NELL1: variants seen among roughly 807,000 people sequenced by gnomAD.
NELL1 encodes neural EGFL like 1.
NELL1 carries 76 observed loss-of-function variants against 107.4 expected under a neutral mutation model. The observed-to-expected ratio is 0.71, with a 90% CI of 0.59 to 0.86. The LOEUF is 0.86. Ranked by LOEUF, NELL1 falls within the 40% of genes least tolerant of loss-of-function variation. The pLI, the probability that NELL1 is intolerant of heterozygous loss-of-function variation, is 0.00. For missense variants in NELL1, 1,024 were observed against 1,005.5 expected (o/e 1.02, Z -0.25); for synonymous variants, 353 against 341.2 (o/e 1.03, Z -0.38).
At chr11:21,513,091 C>T (rs1351254739) in intron 15 of NELL1, among the ~76,000 whole-genome samples, 15 of 152,114 alleles carry the variant, frequency 9.9e-5, no homozygotes, top group South Asian at 6.2e-4. Context: ...GGTTTGGGAC[C>T]CCAGGCAGCC....
chr11:21,072,817 A>C (rs1854047157), intron 12 of NELL1, among the ~76,000 whole-genome samples: 2 of 152,314 alleles, frequency 1.3e-5, no homozygotes, highest in South Asian at 4.1e-4. Flanking sequence ...TAGAAGCAAA[A>C]CATTTCTTTT....
chr11:20,916,731 T>C (rs963580172), intron 5 of NELL1, among the ~76,000 whole-genome samples: 2 of 151,930 alleles, frequency 1.3e-5, no homozygotes, highest in East Asian at 1.9e-4. Context: ...TTTGTCTGTT[T>C]ACATTCTTTT....
chr11:20,938,965 C>T (rs1050926784), intron 10 of NELL1, among the ~76,000 whole-genome samples: 1 of 145,824 alleles, frequency 6.9e-6, no homozygotes, highest in Admixed American at 6.9e-5. Context: ...TGTGTGTGTG[C>T]ATGCACGTGT....
chr11:21,534,473 A>G lies in NELL1; in HGVS notation c.1745A>G (p.His582Arg), dbSNP rs1239177952. Residue 582 changes from histidine (H) to arginine (R), a missense_variant, in exon 16 of 20, where the codon CAT (histidine) becomes CGT (arginine). Coordinates refer to ENST00000357134, the MANE Select transcript of NELL1 (RefSeq NM_006157.5). ...CACTGTGAGTGCAGAAGCGGTTTCCATGACGATGGGACCTATTCACTGTCC... is the reference window on the plus strand; with the variant it reads ...CACTGTGAGTGCAGAAGCGGTTTCCGTGACGATGGGACCTATTCACTGTCC... ...WYHCECRSGFHDDGTYSLSGE... is the reference protein window; with the variant it reads ...WYHCECRSGFRDDGTYSLSGE... 1 of 1,613,880 alleles carries G rather than the reference A, an allele frequency of 6.2e-7. No individual in the cohort carries two copies. The highest frequency in any genetic ancestry group is 1.7e-5 in the Admixed American group (1 of 59,992).
At chr11:21,339,696 T>C (rs1436943195) in intron 14 of NELL1, among the ~76,000 whole-genome samples, 1 of 152,170 alleles carries the variant, frequency 6.6e-6, no homozygotes, top group Non-Finnish European at 1.5e-5. Context: ...AACAATGGCT[T>C]CTGCCATTCC....
intron 14 of NELL1, among the ~76,000 whole-genome samples, chr11:21,293,106 A>T (rs950920787): frequency 6.6e-6 from 1 of 152,210 alleles, no homozygotes; most frequent in Non-Finnish European, 1.5e-5. Flanking sequence ...GAGCTTCTGC[A>T]CAGCATAAGA....
At chr11:20,810,602 T>G (rs1857481456) in intron 3 of NELL1, among the ~76,000 whole-genome samples, 1 of 152,226 alleles carries the variant, frequency 6.6e-6, no homozygotes, top group Non-Finnish European at 1.5e-5. Flanking sequence ...CATAGTTTCT[T>G]TATCCATTTG....
intron 2 of NELL1, among the ~76,000 whole-genome samples, chr11:20,770,405 T>C (rs1372379707): frequency 1.3e-5 from 2 of 152,242 alleles, no homozygotes; most frequent in East Asian, 3.8e-4. Context: ...GCCCCTTTTC[T>C]GGACAGATGC....
At chr11:20,864,339 A>G (rs1849055750) in intron 4 of NELL1, among the ~76,000 whole-genome samples, 1 of 152,132 alleles carries the variant, frequency 6.6e-6, no homozygotes, top group South Asian at 2.1e-4. Flanking sequence ...TTCTCTTTGC[A>G]TTTTTCGAAG....
At chr11:21,080,697 T>C (rs1854246355) in intron 12 of NELL1, among the ~76,000 whole-genome samples, 1 of 152,094 alleles carries the variant, frequency 6.6e-6, no homozygotes, top group African/African-American at 2.4e-5. Flanking sequence ...TGTAGAAAAA[T>C]AATCTTGTAA....
chr11:21,220,428 A>T (rs1368854167), intron 13 of NELL1, among the ~76,000 whole-genome samples: 4 of 152,134 alleles, frequency 2.6e-5, no homozygotes, highest in African/African-American at 9.7e-5. Context: ...CATGTCATTA[A>T]TAGCTATTGC....
At chr11:21,272,303 T>G (rs1848756447) in intron 14 of NELL1, among the ~76,000 whole-genome samples, 1 of 152,222 alleles carries the variant, frequency 6.6e-6, no homozygotes. Flanking sequence ...TCTCACTCAT[T>G]GCTAGCACAG....
At chr11:20,914,733 T>A (rs191073725) in intron 5 of NELL1, among the ~76,000 whole-genome samples, 2 of 152,156 alleles carry the variant, frequency 1.3e-5, no homozygotes, top group Non-Finnish European at 2.9e-5. Context: ...TTAGTAGCCC[T>A]GTAGTATATA....
At chr11:21,357,484 C>A (rs1850962099) in intron 14 of NELL1, among the ~76,000 whole-genome samples, 1 of 152,068 alleles carries the variant, frequency 6.6e-6, no homozygotes, top group African/African-American at 2.4e-5. Context: ...GTCCTTAGCC[C>A]ACTTTTTAAA....
chr11:21,335,214 T>A (rs1850363979), intron 14 of NELL1, among the ~76,000 whole-genome samples: 1 of 152,182 alleles, frequency 6.6e-6, no homozygotes, highest in African/African-American at 2.4e-5. Context: ...TTCATTCTAT[T>A]TTAATTCTAT....
In NELL1 at chr11:21,573,290, C is replaced by T. The variant is rs1372197874; in HGVS notation, c.2263C>T (p.Leu755=). ...TCCCCGCTGTGTCAGTGACCCCTGCCTAGCTGATAACATCACCTATGACAT... is the reference window on the plus strand; with the variant it reads ...TCCCCGCTGTGTCAGTGACCCCTGCTTAGCTGATAACATCACCTATGACAT... ...CCPRCVSDPC[L]ADNITYDIRK... The change falls in exon 19 of 20, where the codon CTA becomes TTA. Residue 755 remains leucine (L), a synonymous_variant. Transcript: ENST00000357134. 1.2e-6 allele frequency: 2 copies of T among 1,612,490 alleles called. No homozygotes were observed. Among genetic ancestry groups the T allele is most frequent in the Middle Eastern group, 1.7e-4 (1 of 6,046 alleles).
chr11:21,266,789 C>T (rs1848645454), intron 14 of NELL1, among the ~76,000 whole-genome samples: 1 of 152,016 alleles, frequency 6.6e-6, no homozygotes, highest in Non-Finnish European at 1.5e-5. Flanking sequence ...CAAAACTACT[C>T]ACTCATAAGA....
At chr11:21,187,648 T>C (rs970296684) in intron 13 of NELL1, among the ~76,000 whole-genome samples, 3 of 151,820 alleles carry the variant, frequency 2.0e-5, no homozygotes, top group Non-Finnish European at 4.4e-5. Flanking sequence ...TCTCAGGCTC[T>C]CTTCTGACCT....
chr11:20,760,424 A>G (rs1355554470), intron 2 of NELL1, among the ~76,000 whole-genome samples: 1 of 152,240 alleles, frequency 6.6e-6, no homozygotes, highest in East Asian at 1.9e-4. Context: ...GGAGAGCCCA[A>G]GAGACATTTG....
Sources: allele counts gnomAD v4.1 joint callset (sites outside exome capture counted in the v4.1 genomes callset), GRCh38; gene constraint gnomAD v4.1.1; transcripts MANE v1.5; gene names NCBI Gene and HGNC (gene_info 2026-07-23, HGNC 2026-07-21).